The following PAX2 variants were observed in gnomAD, a reference collection of about 807,000 sequenced individuals.
The protein encoded by PAX2 is paired box protein Pax-2.
PAX2 carries 9 observed loss-of-function variants against 41.7 expected under a neutral mutation model. The observed-to-expected ratio is 0.22, with a 90% confidence interval of 0.13 to 0.38. The LOEUF (loss-of-function observed/expected upper bound fraction) is 0.38. Ranked by LOEUF, PAX2 falls within the 10% of genes least tolerant of loss-of-function variation. The pLI, the probability that PAX2 is intolerant of heterozygous loss-of-function variation, is 1.00. For missense variants in PAX2, 418 were observed against 531.6 expected (o/e 0.79, Z 2.10); for synonymous variants, 221 against 212.7 (o/e 1.04, Z -0.34).
intron 3 of PAX2, among the ~76,000 whole-genome samples, chr10:100,761,156 C>T (rs1023414239): frequency 2.0e-5 from 3 of 151,394 alleles, no homozygotes; most frequent in African/African-American, 7.3e-5. Context: ...AGTTTTTGGC[C>T]ACAGAAATGG....
chr10:100,791,929 C>G lies in PAX2; in HGVS notation c.616+10564C>G, dbSNP rs1475125282. ...TTGTAGGAGCCGCCTGGGTGAGGGA[C>G]AGTGTGGGTGGTCTTGGGCAGTGGG... On this transcript the variant is annotated intron_variant, in intron 5 of 9. Transcript: ENST00000355243. This position sits in a 1 kb window ranked among gnomAD's most constrained non-coding sequence, Gnocchi z 4.5. Among the ~76,000 whole-genome samples, 1 of 152,184 alleles carries G rather than the reference C, an allele frequency of 6.6e-6. No homozygotes were observed. Among genetic ancestry groups the G allele is most frequent in the Admixed American group, 6.5e-5 (1 of 15,278 alleles).
Position 100,762,087 on chromosome 10 carries a change from G to A in PAX2, c.410+11196G>A, listed in dbSNP as rs570860538. Among the ~76,000 whole-genome samples, 18 of 152,186 alleles carry A rather than the reference G, an allele frequency of 1.2e-4. No homozygotes were observed. In the South Asian group the frequency reaches 2.5e-3, roughly 21 times the overall value. On this transcript the variant is annotated intron_variant, in intron 3 of 9. Coordinates refer to ENST00000355243, the MANE Select transcript of PAX2 (RefSeq NM_000278.5). Reference sequence around the variant, plus strand: ...TGGAGGAAGCAGCCCTGCCAGGCTCGGCATGGCGGCTCACACCTGTAATCC... The same window carrying A: ...TGGAGGAAGCAGCCCTGCCAGGCTCAGCATGGCGGCTCACACCTGTAATCC...
upstream of PAX2, among the ~76,000 whole-genome samples, chr10:100,742,882 T>TTTTTTTTG: frequency 1.1e-5 from 1 of 88,902 alleles, no homozygotes; most frequent in Non-Finnish European, 2.3e-5. Context: ...TTTTTTTTTT[T>TTTTTTTTG]GCTTTCTTGC....
At chr10:100,739,073 C>G (rs989931012) in intron 1 of PAX2, among the ~76,000 whole-genome samples, 2 of 151,596 alleles carry the variant, frequency 1.3e-5, no homozygotes, top group African/African-American at 4.8e-5. Context: ...CACCGCAACT[C>G]TCAGCAGCAG....
chr10:100,823,981 C>G (rs187117697), intron 7 of PAX2, among the ~76,000 whole-genome samples: 1 of 152,308 alleles, frequency 6.6e-6, no homozygotes, highest in South Asian at 2.1e-4. Flanking sequence ...TCCACTTGCA[C>G]TTTTGGCTCA....
At chr10:100,797,296 CTGGG>C (rs1847373194) in intron 5 of PAX2, among the ~76,000 whole-genome samples, 1 of 152,220 alleles carries the variant, frequency 6.6e-6, no homozygotes, top group Non-Finnish European at 1.5e-5. Flanking sequence ...ATAAGTTGTT[CTGGG>C]TAAATTACCT....
rs776811480 is a variant in PAX2, at chr10:100,827,531, G to C, written c.1109-12G>C. The C allele has an allele frequency of 6.2e-7, 1 of 1,613,200 alleles. No homozygotes were observed. The highest frequency in any genetic ancestry group is 8.5e-7 in the Non-Finnish European group (1 of 1,179,156). ...CTCACCCAGCCCATTCTTCTCCTGT[G>C]TTAACTTCCAGGTTCCCCTTATTAT... is the stretch of plus-strand genomic sequence containing the variant. On this transcript the variant is annotated splice_polypyrimidine_tract_variant and intron_variant, in intron 9 of 9. Coordinates refer to ENST00000355243, the MANE Select transcript of PAX2 (RefSeq NM_000278.5). The surrounding 1 kb of genome is among the most constrained non-coding windows in gnomAD (Gnocchi z 8.5).
chr10:100,795,865 T>G (rs1365666961), intron 5 of PAX2, among the ~76,000 whole-genome samples: 2 of 152,242 alleles, frequency 1.3e-5, no homozygotes, highest in African/African-American at 2.4e-5. Context: ...AGTTTGAAGA[T>G]TCTTTCATTT....
intron 7 of PAX2, among the ~76,000 whole-genome samples, chr10:100,809,892 G>A (rs1463043649): frequency 6.6e-6 from 1 of 152,236 alleles, no homozygotes; most frequent in Non-Finnish European, 1.5e-5. Flanking sequence ...ATGAAGAGCA[G>A]CAGGGCCAGT....
intron 7 of PAX2, among the ~76,000 whole-genome samples, chr10:100,814,461 T>G (rs1589892466): frequency 6.7e-6 from 1 of 148,956 alleles, no homozygotes; most frequent in Non-Finnish European, 1.5e-5. Context: ...TGTCAGATAA[T>G]GGAGATCAAA....
chr10:100,828,250 G>A lies in PAX2; in HGVS notation c.*631G>A, dbSNP rs1848657239. On this transcript the variant is annotated 3_prime_UTR_variant, in exon 10 of 10. Coordinates refer to ENST00000355243, the MANE Select transcript of PAX2 (RefSeq NM_000278.5). The surrounding 1 kb of genome is among the most constrained non-coding windows in gnomAD (Gnocchi z 6.5). ...CCAGAAGATGGAATGGGGGTGTGGGGGTCCGGCTCTAGGAACGGGCTTTGG... is the reference window on the plus strand; with the variant it reads ...CCAGAAGATGGAATGGGGGTGTGGGAGTCCGGCTCTAGGAACGGGCTTTGG... 1 of 232,980 alleles carries A rather than the reference G, an allele frequency of 4.3e-6. No homozygotes were observed. Among genetic ancestry groups the A allele is most frequent in the Non-Finnish European group, 8.5e-6 (1 of 117,964 alleles). The allele number at this position is 232,980 out of a possible 1,614,324, so 14.4% of individuals were successfully genotyped here.
intron 5 of PAX2, among the ~76,000 whole-genome samples, chr10:100,790,018 T>C (rs1019988451): frequency 2.0e-5 from 3 of 152,204 alleles, no homozygotes; most frequent in Admixed American, 6.5e-5. Context: ...CATAGGTGCA[T>C]GCATCTGCAT....
At chr10:100,758,402 A>T (rs949906569) in intron 3 of PAX2, among the ~76,000 whole-genome samples, 1 of 151,994 alleles carries the variant, frequency 6.6e-6, no homozygotes, top group Non-Finnish European at 1.5e-5. Flanking sequence ...GGCCTCCCAG[A>T]TTGCTGGGAT....
intron 1 of PAX2, chr10:100,747,869 G>A: frequency 2.0e-6 from 2 of 984,804 alleles, no homozygotes; most frequent in Non-Finnish European, 2.4e-6. Flanking sequence ...CGCTGCCACA[G>A]CTCTCGTTCT....
At position 100,824,977 on chromosome 10, in the gene PAX2, A is replaced by C; in HGVS notation, c.1021+228A>C. The C allele has an allele frequency of 1.2e-6, 2 of 1,613,822 alleles. No homozygotes were observed. The highest frequency in any genetic ancestry group is 2.2e-5 in the South Asian group (2 of 91,074). On this transcript the variant is annotated intron_variant, in intron 8 of 9. Transcript: ENST00000355243. This position sits in a 1 kb window ranked among gnomAD's most constrained non-coding sequence, Gnocchi z 6.6. ...CTTGCAGAAGTGCCCCCTTGTGTGC[A>C]ACCCACTGTATGTCATGGCCCCTCC...
chr10:100,753,626 G>A (rs1027337240), intron 3 of PAX2, among the ~76,000 whole-genome samples: 3 of 152,186 alleles, frequency 2.0e-5, no homozygotes, highest in Admixed American at 1.3e-4. Flanking sequence ...ACAGTTATGA[G>A]TAAGGTTGTG....
chr10:100,759,312 T>C (rs565384176), intron 3 of PAX2, among the ~76,000 whole-genome samples: 1 of 152,166 alleles, frequency 6.6e-6, no homozygotes, highest in South Asian at 2.1e-4. Context: ...GGAAATGGCA[T>C]GGGAGGAATA....
chr10:100,773,621 C>T (rs1846286665), intron 3 of PAX2, among the ~76,000 whole-genome samples: 1 of 152,080 alleles, frequency 6.6e-6, no homozygotes, highest in South Asian at 2.1e-4. Context: ...GTAAAAAGTT[C>T]CCGGTCTGCC....
intron 1 of PAX2, 111 bp downstream of exon 1, chr10:100,746,414 C>T (rs1845177570): frequency 8.7e-6 from 7 of 806,614 alleles, no homozygotes; most frequent in Non-Finnish European, 1.6e-5. Context: ...TGGAGGCCTC[C>T]CTGGCTTCTG....
Sources: allele counts gnomAD v4.1 joint callset (sites outside exome capture counted in the v4.1 genomes callset), GRCh38; gene constraint gnomAD v4.1.1; non-coding constraint Gnocchi (gnomAD v3.1); transcripts MANE v1.5; gene names NCBI Gene and HGNC (gene_info 2026-07-23, HGNC 2026-07-21).